Variants in FBXL2 observed in about 807,000 individuals in gnomAD.
FBXL2 encodes the protein F-box and leucine rich repeat protein 2, also known as F-box/LRR-repeat protein 2.
Under a neutral mutation model 69.2 loss-of-function variants are expected in FBXL2, and 38 were observed. That is an observed-to-expected ratio of 0.55 (90% confidence interval 0.42 to 0.72). The LOEUF (loss-of-function observed/expected upper bound fraction) is 0.72. Among genes scored for constraint, FBXL2 ranks in the 30% least tolerant of loss-of-function variants. The pLI, the probability that FBXL2 is intolerant of heterozygous loss-of-function variation, is 0.00. For missense variants in FBXL2, 354 were observed against 520.3 expected (o/e 0.68, Z 3.11); for synonymous variants, 192 against 201.3 (o/e 0.95, Z 0.39).
Position 33,387,092 on chromosome 3 carries a change from T to G in FBXL2, c.*1484T>G, listed in dbSNP as rs1282206649. ...AGCACAATTATCATCAGAGTAAGCATTAAAGTCATTTTATTGCCTTATGAT... is the reference window on the plus strand; with the variant it reads ...AGCACAATTATCATCAGAGTAAGCAGTAAAGTCATTTTATTGCCTTATGAT... On this transcript the variant is annotated 3_prime_UTR_variant, in exon 15 of 15. Coordinates refer to ENST00000484457, the MANE Select transcript of FBXL2 (RefSeq NM_012157.5). The G allele has an allele frequency of 6.6e-6, 1 of 152,198 alleles. No homozygotes were observed. The highest frequency in any genetic ancestry group is 1.5e-5 in the Non-Finnish European group (1 of 68,040). The allele number at this position is 152,198 out of a possible 1,614,324, so 9.4% of individuals were successfully genotyped here.
chr3:33,390,385 GAC>G (rs144387025), downstream of FBXL2: 23,279 of 1,613,814 alleles, frequency 0.014, 386 homozygotes, highest in Admixed American at 0.066. Flanking sequence ...AAAAAGGAAA[GAC>G]AGTATTTCTT....
chr3:33,413,565 A>C, the FBXL2 span, among the ~76,000 whole-genome samples: 3 of 150,114 alleles, frequency 2.0e-5, no homozygotes, highest in African/African-American at 4.9e-5. Flanking sequence ...AAAAAAAAAA[A>C]CTTTGAGTTT....
chr3:33,308,012 T>C (rs181270284), intron 2 of FBXL2, among the ~76,000 whole-genome samples: 81 of 151,998 alleles, frequency 5.3e-4, no homozygotes, highest in African/African-American at 1.9e-3. Context: ...CTTAGTAGGG[T>C]TTGTTTGTTT....
chr3:33,353,610 T>C (rs927836745), intron 2 of FBXL2, among the ~76,000 whole-genome samples: 2 of 152,222 alleles, frequency 1.3e-5, no homozygotes, highest in African/African-American at 4.8e-5. Flanking sequence ...TCAGTGGGGC[T>C]GGGCACAGTG....
chr3:33,284,037 G>C (rs1453303052), intron 1 of FBXL2, among the ~76,000 whole-genome samples: 2 of 152,082 alleles, frequency 1.3e-5, no homozygotes, highest in Non-Finnish European at 2.9e-5. Context: ...GGTTTTTTGT[G>C]TCTCTATCTC....
At chr3:33,330,989 AAT>A (rs1018205033) in intron 2 of FBXL2, among the ~76,000 whole-genome samples, 10 of 150,650 alleles carry the variant, frequency 6.6e-5, no homozygotes, top group Non-Finnish European at 1.5e-4. Flanking sequence ...GTATATATAT[AAT>A]ATATATATCT....
chr3:33,277,606 G>C, intron 1 of FBXL2, 91 bp downstream of exon 1: 1 of 1,209,626 alleles, frequency 8.3e-7, no homozygotes, highest in Non-Finnish European at 1.0e-6. Context: ...TCGGGCAGGC[G>C]GCGCAGGGGT....
chr3:33,416,811 G>A, the FBXL2 span: 1 of 1,613,426 alleles, frequency 6.2e-7, no homozygotes, highest in Non-Finnish European at 8.5e-7. Context: ...CGATTATCCA[G>A]CATCCGAATT....
chr3:33,410,802 T>C, the FBXL2 span, among the ~76,000 whole-genome samples: 1 of 152,180 alleles, frequency 6.6e-6, no homozygotes. Context: ...CTGGGCACAG[T>C]GGCTCACACC....
chr3:33,289,149 A>G (rs1404629335), intron 1 of FBXL2, among the ~76,000 whole-genome samples: 1 of 152,156 alleles, frequency 6.6e-6, no homozygotes, highest in Non-Finnish European at 1.5e-5. Context: ...TCCTTTTACA[A>G]GCTAGTAATA....
intron 2 of FBXL2, among the ~76,000 whole-genome samples, chr3:33,329,586 TA>T (rs965096283): frequency 6.6e-6 from 1 of 152,180 alleles, no homozygotes; most frequent in African/African-American, 2.4e-5. Context: ...TATTTAGCCA[TA>T]AAAAATTGAA....
chr3:33,338,473 A>G (rs116006466), intron 2 of FBXL2, among the ~76,000 whole-genome samples: 274 of 152,276 alleles, frequency 1.8e-3, no homozygotes, highest in Non-Finnish European at 3.2e-3. Flanking sequence ...AGCCAAAACT[A>G]TCCTAAGCAA....
intron 1 of FBXL2, among the ~76,000 whole-genome samples, chr3:33,295,441 T>C (rs10212376): frequency 0.021 from 3,137 of 152,352 alleles, 109 homozygotes; most frequent in African/African-American, 0.071. Context: ...TGCTGACTGA[T>C]ATTCCACATT....
At chr3:33,338,421 TAATA>T (rs1210948680) in intron 2 of FBXL2, among the ~76,000 whole-genome samples, 1 of 151,050 alleles carries the variant, frequency 6.6e-6, no homozygotes, top group African/African-American at 2.4e-5. Context: ...CAAAAAATAA[TAATA>T]AATAAAATCC....
intron 5 of FBXL2, among the ~76,000 whole-genome samples, chr3:33,369,876 G>A (rs1460270698): frequency 6.6e-6 from 1 of 152,092 alleles, no homozygotes; most frequent in Non-Finnish European, 1.5e-5. Flanking sequence ...GCCTCCCAAA[G>A]TGTTGGGATT....
intron 2 of FBXL2, chr3:33,317,580 A>G (rs2037822078): frequency 2.2e-6 from 1 of 453,288 alleles, no homozygotes; most frequent in Non-Finnish European, 4.4e-6. Flanking sequence ...TGCTAAACAG[A>G]TATTATGAAG....
chr3:33,398,612 A>G (rs1190475858), intron 12 of FBXL2, among the ~76,000 whole-genome samples: 2 of 152,210 alleles, frequency 1.3e-5, no homozygotes, highest in Non-Finnish European at 2.9e-5. Context: ...AGATGTGCCC[A>G]AAGGGTACCA....
chr3:33,350,422 C>T (rs2040747994), intron 2 of FBXL2, among the ~76,000 whole-genome samples: 1 of 148,012 alleles, frequency 6.8e-6, no homozygotes. Flanking sequence ...AGACCTACAG[C>T]TAACATCATA....
the FBXL2 span, among the ~76,000 whole-genome samples, chr3:33,420,895 A>G: frequency 1.3e-5 from 2 of 152,154 alleles, no homozygotes; most frequent in Non-Finnish European, 2.9e-5. Flanking sequence ...AAATGCTGGG[A>G]TTACAGGTGG....
Sources: gnomAD v4.1 joint callset for allele counts (sites outside exome capture counted in the v4.1 genomes callset) on GRCh38, gnomAD v4.1.1 for gene constraint, MANE v1.5 for transcripts, NCBI Gene and HGNC (gene_info 2026-07-23, HGNC 2026-07-21) for gene names.